Variants in CSMD1 observed in about 807,000 individuals in gnomAD.
CSMD1 encodes the protein CUB and Sushi multiple domains 1.
In CSMD1, 213 loss-of-function variants were observed where a neutral mutation model predicts 417.5. That is an observed-to-expected ratio of 0.51 (90% CI 0.46 to 0.57). CSMD1 has a LOEUF of 0.57. Among genes scored for constraint, CSMD1 ranks in the 20% least tolerant of loss-of-function variants. The pLI, the probability that CSMD1 is intolerant of heterozygous loss-of-function variation, is 0.00. For synonymous variants in CSMD1, 2,862 were observed against 1,736.8 expected (o/e 1.65, Z -16.11); for missense variants, 6,923 against 4,529.7 (o/e 1.53, Z -15.17).
intron 1 of CSMD1, among the ~76,000 whole-genome samples, chr8:4,951,930 T>C (rs995769196): frequency 2.0e-5 from 3 of 151,480 alleles, no homozygotes; most frequent in Admixed American, 6.6e-5. Flanking sequence ...AAAAAAATTA[T>C]TTTTTCCCCT....
At chr8:3,163,639 T>C (rs1450241382) in intron 37 of CSMD1, among the ~76,000 whole-genome samples, 1 of 146,630 alleles carries the variant, frequency 6.8e-6, no homozygotes, top group African/African-American at 2.5e-5. Flanking sequence ...AAAGCACAAG[T>C]GCAAAGATAA....
intron 10 of CSMD1, among the ~76,000 whole-genome samples, chr8:3,494,954 A>G (rs1057312441): frequency 1.3e-5 from 2 of 152,200 alleles, no homozygotes; most frequent in African/African-American, 4.8e-5. Flanking sequence ...CACCATTCCA[A>G]CAGGCTCTAA....
chr8:4,251,329 G>T (rs1436278872), intron 3 of CSMD1, among the ~76,000 whole-genome samples: 1 of 152,068 alleles, frequency 6.6e-6, no homozygotes, highest in African/African-American at 2.4e-5. Flanking sequence ...TTTGCATTAT[G>T]CCACATTTAA....
chr8:4,695,783 A>G (rs2116788963), intron 1 of CSMD1, among the ~76,000 whole-genome samples: 1 of 152,238 alleles, frequency 6.6e-6, no homozygotes, highest in East Asian at 1.9e-4. Flanking sequence ...CCGATATAGT[A>G]TCATACAGCC....
chr8:4,936,300 A>G (rs1441612243), intron 1 of CSMD1, among the ~76,000 whole-genome samples: 1 of 152,208 alleles, frequency 6.6e-6, no homozygotes, highest in East Asian at 1.9e-4. Flanking sequence ...AAATGTGTGC[A>G]TGGGATTGTG....
chr8:3,542,359 G>T (rs555282883), intron 10 of CSMD1, among the ~76,000 whole-genome samples: 1 of 152,162 alleles, frequency 6.6e-6, no homozygotes, highest in African/African-American at 2.4e-5. Context: ...TCTGAAGATA[G>T]GTAATTAGTT....
intron 53 of CSMD1, 93 bp downstream of exon 53, chr8:2,999,865 G>T: frequency 1.8e-6 from 2 of 1,087,556 alleles, no homozygotes; most frequent in Non-Finnish European, 2.5e-6. Context: ...CTTTTACAGT[G>T]AAGATTAAAC....
rs771590240 is a variant in CSMD1, at chr8:3,367,174, A to T, written c.2973T>A (p.Ser991Arg). ...HDYLLITEDG[S>R]FSEPVARLTG... ...TGAGCCTGGCAACGGGCTCGGAAAA[A>T]CTTCCATCCTCTGTGATCAGTAAAT... The change falls in exon 20 of 70, where the codon AGT (serine) becomes AGA (arginine). Residue 991 changes from serine to arginine, a missense_variant. By Grantham distance (110) the Ser-to-Arg change is moderately radical. Coordinates refer to ENST00000635120, the MANE Select transcript of CSMD1 (RefSeq NM_033225.6). The T allele has an allele frequency of 4.8e-5, 78 of 1,613,550 alleles. No individual in the cohort carries two copies. The highest frequency in any genetic ancestry group is 6.3e-5 in the Non-Finnish European group (74 of 1,179,788).
intron 1 of CSMD1, among the ~76,000 whole-genome samples, chr8:4,716,187 C>T (rs1463089075): frequency 1.3e-5 from 2 of 152,150 alleles, no homozygotes; most frequent in Non-Finnish European, 2.9e-5. Context: ...CCTGAGCAGG[C>T]GCCACCCAAT....
chr8:4,302,307 C>G (rs1031054404), intron 3 of CSMD1, among the ~76,000 whole-genome samples: 50 of 152,126 alleles, frequency 3.3e-4, no homozygotes, highest in African/African-American at 1.1e-3. Context: ...TTCCTTAACT[C>G]ATTAGCTAAT....
At chr8:4,799,151 T>C (rs1401839611) in intron 1 of CSMD1, among the ~76,000 whole-genome samples, 3 of 152,290 alleles carry the variant, frequency 2.0e-5, no homozygotes, top group East Asian at 1.9e-4. Flanking sequence ...ACATGAGAGA[T>C]GTGCTTACAT....
intron 41 of CSMD1, among the ~76,000 whole-genome samples, chr8:3,125,574 C>T (rs1237634614): frequency 7.2e-5 from 11 of 152,228 alleles, no homozygotes; most frequent in Non-Finnish European, 1.2e-4. Context: ...AATTCTGATT[C>T]AGCTGAAGGT....
At chr8:3,607,667 G>T (rs975191344) in intron 8 of CSMD1, among the ~76,000 whole-genome samples, 1 of 152,304 alleles carries the variant, frequency 6.6e-6, no homozygotes, top group African/African-American at 2.4e-5. Flanking sequence ...GTTAGGCAGT[G>T]TATGACTGGA....
At chr8:3,093,364 G>T (rs529499834) in intron 47 of CSMD1, among the ~76,000 whole-genome samples, 100 of 152,194 alleles carry the variant, frequency 6.6e-4, no homozygotes, top group Middle Eastern at 3.4e-3. Flanking sequence ...CCAGAATTGT[G>T]AGAACATAAA....
chr8:4,374,500 G>C (rs1802593543), intron 3 of CSMD1, among the ~76,000 whole-genome samples: 1 of 152,088 alleles, frequency 6.6e-6, no homozygotes. Context: ...GGAGTGAGGA[G>C]AGAATGCCCA....
chr8:3,149,644 A>C (rs1168362204), intron 40 of CSMD1, among the ~76,000 whole-genome samples: 1 of 152,060 alleles, frequency 6.6e-6, no homozygotes, highest in Non-Finnish European at 1.5e-5. Flanking sequence ...TGCCCAGCTA[A>C]GTTTTGTATT....
At chr8:4,059,133 G>A (rs1201685897) in intron 3 of CSMD1, among the ~76,000 whole-genome samples, 4 of 152,288 alleles carry the variant, frequency 2.6e-5, no homozygotes, top group East Asian at 1.9e-4. Context: ...TCAGGATTAA[G>A]AAACTCACTC....
At chr8:4,072,683 G>C (rs566074424) in intron 3 of CSMD1, among the ~76,000 whole-genome samples, 5 of 152,114 alleles carry the variant, frequency 3.3e-5, no homozygotes, top group East Asian at 1.9e-4. Flanking sequence ...GGATCTCCTA[G>C]AATGATTTCA....
intron 1 of CSMD1, among the ~76,000 whole-genome samples, chr8:4,948,535 G>C (rs906348083): frequency 1.1e-4 from 17 of 151,876 alleles, no homozygotes; most frequent in Non-Finnish European, 5.9e-5. Context: ...GTGAATACTG[G>C]TTTTGTAAAT....
Sources: allele counts gnomAD v4.1 joint callset (sites outside exome capture counted in the v4.1 genomes callset), GRCh38; gene constraint gnomAD v4.1.1; transcripts MANE v1.5; gene names NCBI Gene and HGNC (gene_info 2026-07-23, HGNC 2026-07-21).